Variants in DNPEP observed in about 807,000 individuals in gnomAD.
DNPEP encodes the protein aspartyl aminopeptidase.
DNPEP carries 46 observed loss-of-function variants against 59.1 expected under a neutral mutation model. The observed-to-expected ratio is 0.78, with a 90% confidence interval of 0.61 to 0.99. The LOEUF (loss-of-function observed/expected upper bound fraction) is 0.99. DNPEP is among the 50% of genes least tolerant of loss of function. The pLI is 0.00. For synonymous variants in DNPEP, 229 were observed against 242.2 expected, an observed-to-expected ratio of 0.95 and a Z score of 0.50; for missense variants, 617 against 649.9, an observed-to-expected ratio of 0.95 and a Z score of 0.55.
rs539983173 is a variant in DNPEP, at chr2:219,378,833, C to T, written c.1239+2502G>A. ...CTGCCAGTCGTATAAAAGCATAACACGTGCAATTATGTACAGTATGCAATA... is the reference window on the plus strand; with the variant it reads ...CTGCCAGTCGTATAAAAGCATAACATGTGCAATTATGTACAGTATGCAATA... On this transcript the variant is annotated intron_variant, in intron 13 of 14. Transcript: ENST00000273075. Among the ~76,000 whole-genome samples the T allele has an allele frequency of 1.4e-3, 202 of 149,464 alleles. No homozygotes were observed. In the Middle Eastern group the frequency reaches 0.014, roughly 10 times the overall value.
At chr2:219,399,624 G>A (rs1198761240) in intron 1 of DNPEP, 5 of 639,834 alleles carry the variant, frequency 7.8e-6, no homozygotes, top group South Asian at 1.7e-5. Context: ...GAGAGAATAG[G>A]GCACCAGACA....
chr2:219,399,116 C>T (rs1260677410), intron 1 of DNPEP, among the ~76,000 whole-genome samples: 1 of 152,176 alleles, frequency 6.6e-6, no homozygotes, highest in African/African-American at 2.4e-5. Flanking sequence ...CTGGGTGATT[C>T]TGTGTCTGCT....
chr2:219,385,596 C>G, intron 7 of DNPEP, 35 bp downstream of exon 7: 1 of 1,608,478 alleles, frequency 6.2e-7, no homozygotes, highest in Non-Finnish European at 8.5e-7. Flanking sequence ...TCAGGGGACT[C>G]TGCCGCCCTC....
intron 6 of DNPEP, 25 bp from the exon 7 acceptor site, chr2:219,385,731 G>T (rs193041992): frequency 6.3e-7 from 1 of 1,577,676 alleles, no homozygotes; most frequent in Non-Finnish European, 8.6e-7. Context: ...GGGTTGTGGG[G>T]GGATTGCGAG....
At position 219,382,013 on chromosome 2, in the gene DNPEP, C is replaced by T. The variant is rs762544576; in HGVS notation, c.1063G>A (p.Ala355Thr). 2.4e-5 allele frequency: 39 copies of T among 1,614,084 alleles called. No homozygotes were observed. Among genetic ancestry groups the T allele is most frequent in the South Asian group, 7.7e-5 (7 of 91,086 alleles). The change falls in exon 11 of 15, where the codon GCA becomes ACA. Residue 355 changes from alanine (A) to threonine (T), a missense_variant. Coordinates refer to ENST00000273075, the MANE Select transcript of DNPEP (RefSeq NM_012100.4). The stretch of plus-strand genomic sequence containing the variant: ...GGATGCACAGCATGGGCCATGTCTG[C>T]GCTGATCATGAAGGACTTGGGTATG... ...EAIPKSFMIS[A>T]DMAHAVHPNY... is the part of the protein sequence containing the mutation.
At chr2:219,391,920 T>G (rs1954022664), upstream of DNPEP, among the ~76,000 whole-genome samples, 1 of 151,474 alleles carries the variant, frequency 6.6e-6, no homozygotes, top group African/African-American at 2.4e-5. Flanking sequence ...AGAAAAGAAT[T>G]CCAAATATAC....
Position 219,384,403 on chromosome 2 carries a change from C to A in DNPEP, c.815G>T (p.Arg272Leu), listed in dbSNP as rs752488599. The A allele has an allele frequency of 4.3e-6, 7 of 1,611,874 alleles. No individual in the cohort carries two copies. The highest frequency in any genetic ancestry group is 5.9e-6 in the Non-Finnish European group (7 of 1,179,032). The change falls in exon 9 of 15, where the codon CGG becomes CTG. Residue 272 changes from arginine (R) to leucine (L), a missense_variant. Transcript: ENST00000273075. ...GAAGCAGCTGTGCAGATTGTCCAGC[C>A]GAGGAGCAAAGATGAACTCATCATA... ...GAYDEFIFAP[R>L]LDNLHSCFCA... is the part of the protein sequence containing the mutation.
chr2:219,381,361 C>A lies in DNPEP; in HGVS notation c.1213G>T (p.Ala405Ser). The A allele has an allele frequency of 6.2e-7, 1 of 1,614,090 alleles. No individual in the cohort carries two copies. Among genetic ancestry groups the A allele is most frequent in the Non-Finnish European group, 8.5e-7 (1 of 1,180,034 alleles). Residue 405 changes from alanine to serine, a missense_variant, in exon 13 of 15, where the codon GCC (alanine) becomes TCC (serine). Ala to Ser is a moderately conservative substitution (Grantham distance 99). Transcript: ENST00000273075. ...TGCAGGGGGACCTTGACTTTGTTGGCCACCTCTCGGATCAGGGCCTCTGAC... is the reference window on the plus strand; with the variant it reads ...TGCAGGGGGACCTTGACTTTGTTGGACACCTCTCGGATCAGGGCCTCTGAC... ...AVSEALIREV[A>S]NKVKVPLQDL...
At chr2:219,388,598 C>T (rs1953954026), upstream of DNPEP, 2 of 698,002 alleles carry the variant, frequency 2.9e-6, no homozygotes, top group Non-Finnish European at 3.5e-6. Context: ...GCAGCCGCCG[C>T]CAGGGCCCTC....
At chr2:219,394,303 A>G (rs1413911940) in intron 1 of DNPEP, among the ~76,000 whole-genome samples, 2 of 152,092 alleles carry the variant, frequency 1.3e-5, no homozygotes, top group Non-Finnish European at 2.9e-5. Flanking sequence ...CATGGGTCCT[A>G]TTTGACATAG....
chr2:219,389,960 C>A (rs1381298501), upstream of DNPEP, among the ~76,000 whole-genome samples: 1 of 152,146 alleles, frequency 6.6e-6, no homozygotes, highest in Non-Finnish European at 1.5e-5. Flanking sequence ...CGAAACAAGG[C>A]TACAATGTAT....
In DNPEP at chr2:219,372,942, T is replaced by C. The variant is rs1225613438; in HGVS notation, c.*1350A>G. On this transcript the variant is annotated 3_prime_UTR_variant, in exon 15 of 15. Transcript: ENST00000273075. ...TATTATATTAAGTTTTTTAGAAAGC[T>C]GAAGTGGAATATTTATATGGAAATA... 6.6e-6 allele frequency among the ~76,000 whole-genome samples: 1 copy of C among 152,194 alleles called. No individual in the cohort carries two copies. The highest frequency in any genetic ancestry group is 6.5e-5 in the Admixed American group (1 of 15,284).
chr2:219,385,680 T>G lies in DNPEP; in HGVS notation c.617A>C (p.Gln206Pro). The G allele has an allele frequency of 6.2e-7, 1 of 1,607,592 alleles. No homozygotes were observed. The highest frequency in any genetic ancestry group is 8.5e-7 in the Non-Finnish European group (1 of 1,176,678). ...HLVPILATAI[Q>P]EELEKGTPEP... is the part of the protein sequence containing the mutation. ...AGGAGTCCCCTTCTCCAGCTCCTCC[T>G]GGATGGCTGTGGCAAGAATGGGGAC... is the stretch of plus-strand genomic sequence containing the variant. Residue 206 changes from glutamine (Q) to proline (P), a missense_variant, in exon 7 of 15, where the codon CAG (glutamine) becomes CCG (proline). Physicochemically the swap from Gln to Pro is moderately conservative, Grantham distance 76 (BLOSUM62 -1). Transcript: ENST00000273075.
chr2:219,399,381 T>C, intron 1 of DNPEP: 1 of 455,124 alleles, frequency 2.2e-6, no homozygotes, highest in East Asian at 6.9e-5. Flanking sequence ...TCTAAGGCAG[T>C]GTTTAGGGTG....
rs763342698 is a variant in DNPEP at position 219,386,949 on chromosome 2, C to A, written c.162G>T (p.Gln54His). 3.1e-6 allele frequency: 5 copies of A among 1,614,028 alleles called. No homozygotes were observed. Among genetic ancestry groups the A allele is most frequent in the Non-Finnish European group, 4.2e-6 (5 of 1,180,000 alleles). ...TCTCCTTGAGTTCACTGAAGCCAGC[C>A]TGGAGAAGGCGGTTGCGGCATTCAG... ...AVAECRNRLL[Q>H]AGFSELKETE... is the part of the protein sequence containing the mutation. Residue 54 changes from glutamine (Q) to histidine (H), a missense_variant, in exon 3 of 15, where the codon CAG (glutamine) becomes CAT (histidine). By Grantham distance (24) the Gln-to-His change is conservative. Coordinates refer to ENST00000273075, the MANE Select transcript of DNPEP (RefSeq NM_012100.4).
chr2:219,380,629 T>C (rs186582499), intron 13 of DNPEP, among the ~76,000 whole-genome samples: 3 of 152,280 alleles, frequency 2.0e-5, no homozygotes, highest in Admixed American at 6.5e-5. Context: ...AGCAATGGGC[T>C]ACACCACACA....
chr2:219,385,242 A>C, intron 8 of DNPEP, 182 bp downstream of exon 8: 1 of 570,484 alleles, frequency 1.8e-6, no homozygotes, highest in East Asian at 2.8e-5. Flanking sequence ...GGTCTGGGGT[A>C]GGGAACTTGT....
intron 1 of DNPEP, among the ~76,000 whole-genome samples, chr2:219,397,219 A>AC (rs561308741): frequency 0.011 from 446 of 41,026 alleles, 4 homozygotes; most frequent in East Asian, 0.078. Context: ...CTCCCCTCCC[A>AC]CCCCCGTCTC....
chr2:219,386,812 G>A (rs891699561), intron 3 of DNPEP, 34 bp from the exon 4 acceptor site: 5 of 1,609,960 alleles, frequency 3.1e-6, no homozygotes, highest in Non-Finnish European at 4.2e-6. Flanking sequence ...AGGGGTGTGA[G>A]TTGCATTACT....
Sources: gnomAD v4.1 joint callset for allele counts (sites outside exome capture counted in the v4.1 genomes callset) on GRCh38, gnomAD v4.1.1 for gene constraint, MANE v1.5 for transcripts, NCBI Gene and HGNC (gene_info 2026-07-23, HGNC 2026-07-21) for gene names.